The following PTH2R variants were observed in gnomAD, a reference collection of about 807,000 sequenced individuals.
The protein encoded by PTH2R is parathyroid hormone 2 receptor.
In PTH2R, 59 loss-of-function variants were observed where a neutral mutation model predicts 60.3. That is an observed-to-expected ratio of 0.98 (90% CI 0.79 to 1.22). The LOEUF is 1.22. Among genes scored for constraint, PTH2R ranks in the 50% most tolerant of loss-of-function variants. The pLI is 0.00. For missense variants in PTH2R, 749 were observed against 682.6 expected (o/e 1.10, Z -1.08); for synonymous variants, 256 against 243.8 (o/e 1.05, Z -0.47).
At chr2:208,480,799 A>G (rs1177009913) in intron 9 of PTH2R, among the ~76,000 whole-genome samples, 2 of 152,226 alleles carry the variant, frequency 1.3e-5, no homozygotes, top group Non-Finnish European at 2.9e-5. Context: ...AAAGGGCTTC[A>G]TCTAAACTTC....
At chr2:208,481,193 G>GC in intron 10 of PTH2R, 29 bp downstream of exon 10, 1 of 1,435,098 alleles carries the variant, frequency 7.0e-7, no homozygotes, top group Non-Finnish European at 9.6e-7. Context: ...TCCATCAGAG[G>GC]AAATATTTTG....
intron 1 of PTH2R, among the ~76,000 whole-genome samples, chr2:208,360,436 G>A (rs1370563219): frequency 6.6e-6 from 1 of 152,158 alleles, no homozygotes; most frequent in African/African-American, 2.4e-5. Context: ...CTCAGGCGCT[G>A]GGCATGCCTG....
At chr2:208,401,311 A>G (rs76914806) in intron 1 of PTH2R, among the ~76,000 whole-genome samples, 8 of 152,112 alleles carry the variant, frequency 5.3e-5, no homozygotes, top group East Asian at 3.9e-4. Flanking sequence ...GTATGTTCCA[A>G]TGTTACCTGA....
intron 9 of PTH2R, among the ~76,000 whole-genome samples, chr2:208,477,427 A>G (rs1390759982): frequency 3.3e-5 from 5 of 152,266 alleles, no homozygotes; most frequent in Admixed American, 6.5e-5. Flanking sequence ...TCTTTGTTTT[A>G]GTTCATCTGT....
chr2:208,472,529 T>C (rs186748230), intron 9 of PTH2R, among the ~76,000 whole-genome samples: 1 of 152,260 alleles, frequency 6.6e-6, no homozygotes, highest in Non-Finnish European at 1.5e-5. Flanking sequence ...GATCTGATGA[T>C]TATATAAGGG....
intron 1 of PTH2R, among the ~76,000 whole-genome samples, chr2:208,410,212 T>G (rs900435763): frequency 1.3e-4 from 20 of 152,328 alleles, no homozygotes; most frequent in African/African-American, 4.3e-4. Flanking sequence ...TACCAAATAC[T>G]GTGCTAAGTA....
intron 2 of PTH2R, among the ~76,000 whole-genome samples, chr2:208,430,047 C>G (rs1364260999): frequency 6.6e-6 from 1 of 152,126 alleles, no homozygotes; most frequent in Non-Finnish European, 1.5e-5. Flanking sequence ...AGACATTTTT[C>G]TCATTTTATT....
chr2:208,428,443 C>T (rs962595), intron 2 of PTH2R, 140 bp downstream of exon 2: 584,266 of 607,354 alleles, frequency 0.96, 281,844 homozygotes, highest in Non-Finnish European at 0.98. Flanking sequence ...TGCAGCAGAA[C>T]AACAACACTC....
At chr2:208,454,541 C>A (rs3922133) in intron 8 of PTH2R, among the ~76,000 whole-genome samples, 151,088 of 152,314 alleles carry the variant, frequency 0.99, 74,946 homozygotes, top group Middle Eastern at 1. Flanking sequence ...CTCACCAGAA[C>A]AGGACCATGC....
At chr2:208,401,894 T>C (rs1477130135), upstream of PTH2R, among the ~76,000 whole-genome samples, 1 of 152,178 alleles carries the variant, frequency 6.6e-6, no homozygotes, top group African/African-American at 2.4e-5. Flanking sequence ...GTTGTTGTTA[T>C]TAGAGGTTGT....
intron 1 of PTH2R, among the ~76,000 whole-genome samples, chr2:208,413,254 CT>C (rs1301252911): frequency 1.3e-5 from 2 of 152,134 alleles, no homozygotes; most frequent in Non-Finnish European, 2.9e-5. Flanking sequence ...CCACTTGAAT[CT>C]TGAGAAAGTG....
At chr2:208,379,442 A>T (rs539186019) in intron 1 of PTH2R, among the ~76,000 whole-genome samples, 1 of 152,278 alleles carries the variant, frequency 6.6e-6, no homozygotes, top group African/African-American at 2.4e-5. Context: ...TGCAGTGATA[A>T]AAAAATAAAA....
At chr2:208,438,664 G>C (rs1340223310) in intron 4 of PTH2R, among the ~76,000 whole-genome samples, 2 of 152,150 alleles carry the variant, frequency 1.3e-5, no homozygotes, top group Non-Finnish European at 2.9e-5. Context: ...TGCATATGAT[G>C]CTAAGAGTTA....
chr2:208,371,634 CT>C (rs1195311253), intron 1 of PTH2R, among the ~76,000 whole-genome samples: 3 of 152,134 alleles, frequency 2.0e-5, no homozygotes, highest in African/African-American at 7.3e-5. Flanking sequence ...TATGGTATAT[CT>C]GTAGAGATTG....
At chr2:208,475,464 C>T (rs1215028967) in intron 9 of PTH2R, among the ~76,000 whole-genome samples, 1 of 152,024 alleles carries the variant, frequency 6.6e-6, no homozygotes, top group Non-Finnish European at 1.5e-5. Context: ...GTCTGGCACT[C>T]ATTGAGACTT....
At chr2:208,420,219 G>T (rs570676369) in intron 1 of PTH2R, among the ~76,000 whole-genome samples, 10 of 151,500 alleles carry the variant, frequency 6.6e-5, no homozygotes, top group Non-Finnish European at 1.5e-4. Context: ...ACAGCAACAT[G>T]GCACATGTAT....
chr2:208,462,815 G>A (rs1027894661), intron 9 of PTH2R, among the ~76,000 whole-genome samples: 1 of 152,236 alleles, frequency 6.6e-6, no homozygotes, highest in Non-Finnish European at 1.5e-5. Context: ...TGCCAAGGTT[G>A]AGCGTGGGTG....
At chr2:208,395,765 C>G (rs1701197418) in intron 1 of PTH2R, among the ~76,000 whole-genome samples, 1 of 152,158 alleles carries the variant, frequency 6.6e-6, no homozygotes. Flanking sequence ...AATGCCATCC[C>G]CATCAAGCTA....
rs1437991459 is a variant in PTH2R at position 208,489,034 on chromosome 2, G to T, written c.1099G>T (p.Val367Phe). 1.2e-6 allele frequency: 2 copies of T among 1,614,016 alleles called. No homozygotes were observed. The highest frequency in any genetic ancestry group is 8.5e-7 in the Non-Finnish European group (1 of 1,179,998). ...QYRKLAKSTL[V>F]LVLVFGVHYI... is the part of the protein sequence containing the mutation. The stretch of plus-strand genomic sequence containing the variant: ...TAGGAAACTGGCCAAATCGACACTG[G>T]TCCTGGTCCTAGTCTTTGGAGTGCA... Residue 367 changes from valine (V) to phenylalanine (F), a missense_variant, in exon 11 of 13, where the codon GTC becomes TTC. By Grantham distance (50) the Val-to-Phe change is conservative (BLOSUM62 -1). Transcript: ENST00000272847.
Sources: gnomAD v4.1 joint callset for allele counts (sites outside exome capture counted in the v4.1 genomes callset) on GRCh38, gnomAD v4.1.1 for gene constraint, MANE v1.5 for transcripts, NCBI Gene and HGNC (gene_info 2026-07-23, HGNC 2026-07-21) for gene names.